The following PEAK1 variants were observed in gnomAD, a reference collection of about 807,000 sequenced individuals.
PEAK1 encodes the protein inactive tyrosine-protein kinase PEAK1.
In PEAK1, 54 loss-of-function variants were observed where a neutral mutation model predicts 124.7. The ratio of observed to expected loss-of-function variants is 0.43; its 90% confidence interval spans 0.35 to 0.54. PEAK1 has a LOEUF of 0.54. Among genes scored for constraint, PEAK1 ranks in the 20% least tolerant of loss-of-function variants. The probability of loss-of-function intolerance (pLI) is 0.01; values close to 1 mark genes in which losing one functional copy is unlikely to be tolerated. For missense variants in PEAK1, 2,046 were observed against 2,134.5 expected (o/e 0.96, Z 0.82); for synonymous variants, 719 against 760.0 (o/e 0.95, Z 0.89).
chr15:77,418,265 C>CTT, intron 1 of PEAK1: 1 of 985,252 alleles, frequency 1.0e-6, no homozygotes, highest in Non-Finnish European at 1.2e-6. Flanking sequence ...ATTTTAGCCT[C>CTT]TAAGTTGGGA....
chr15:77,278,881 G>A (rs1411277525), intron 5 of PEAK1: 2 of 285,758 alleles, frequency 7.0e-6, no homozygotes, highest in Non-Finnish European at 1.3e-5. Flanking sequence ...CGCCCAGGCT[G>A]GAGTGCAATG....
At chr15:77,366,747 G>A (rs1423492230) in intron 1 of PEAK1, among the ~76,000 whole-genome samples, 3 of 152,018 alleles carry the variant, frequency 2.0e-5, no homozygotes, top group Admixed American at 2.0e-4. Flanking sequence ...TTGTAGAGAT[G>A]GGGTTTTGCC....
intron 5 of PEAK1, among the ~76,000 whole-genome samples, chr15:77,256,286 C>T (rs2061127967): frequency 6.6e-6 from 1 of 152,090 alleles, no homozygotes; most frequent in Non-Finnish European, 1.5e-5. Flanking sequence ...GCTGAAGAAA[C>T]TCAGACACTA....
At chr15:77,226,063 A>ATATATATAT (rs2059646739) in intron 6 of PEAK1, among the ~76,000 whole-genome samples, 1 of 123,448 alleles carries the variant, frequency 8.1e-6, no homozygotes, top group African/African-American at 2.9e-5. Context: ...ATATATATAT[A>ATATATATAT]TATATATATA....
intron 6 of PEAK1, among the ~76,000 whole-genome samples, chr15:77,189,390 T>C (rs2057716477): frequency 6.6e-6 from 1 of 152,194 alleles, no homozygotes; most frequent in African/African-American, 2.4e-5. Context: ...TCATGGCATC[T>C]GGAGGCTGCT....
intron 6 of PEAK1, among the ~76,000 whole-genome samples, chr15:77,211,848 CAAAAAA>C (rs34360713): frequency 4.0e-5 from 2 of 49,776 alleles, no homozygotes; most frequent in African/African-American, 7.7e-5. Context: ...AACTCCATCT[CAAAAAA>C]AAAAAAAAAA....
intron 2 of PEAK1, chr15:77,335,315 C>T: frequency 1.0e-6 from 1 of 985,234 alleles, no homozygotes. Flanking sequence ...GCATGAGTGG[C>T]ATTAAGCTCT....
chr15:77,158,832 A>G, intron 7 of PEAK1, 136 bp from the exon 8 acceptor site: 1 of 789,632 alleles, frequency 1.3e-6, no homozygotes, highest in East Asian at 2.7e-5. Context: ...AACACAAGGC[A>G]GTACTTCATT....
chr15:77,127,606 AG>A (rs1443489918), intron 9 of PEAK1, among the ~76,000 whole-genome samples: 4 of 152,230 alleles, frequency 2.6e-5, no homozygotes, highest in Admixed American at 6.5e-5. Flanking sequence ...TGTGTTTTGT[AG>A]AAGACAAAAC....
rs1435149740 is a variant in PEAK1, at chr15:77,252,505, T to C, written c.-253A>G. On this transcript the variant is annotated 5_prime_UTR_variant, in exon 6 of 10. Coordinates refer to ENST00000682557, the MANE Select transcript of PEAK1 (RefSeq NM_001385026.1). ...TTCTTCCTTGCCTCTCATTCCTTAA[T>C]TTCTGAAGATAGCAATGTTTACTGC... is the stretch of plus-strand genomic sequence containing the variant. The C allele has an allele frequency of 4.1e-6, 4 of 984,772 alleles. No homozygotes were observed. Among genetic ancestry groups the C allele is most frequent in the Admixed American group, 1.2e-4 (2 of 16,260 alleles). The allele number at this position is 984,772 out of a possible 1,614,324, so 61.0% of individuals were successfully genotyped here.
intron 6 of PEAK1, among the ~76,000 whole-genome samples, chr15:77,220,691 A>G (rs1261126563): frequency 6.6e-6 from 1 of 152,070 alleles, no homozygotes; most frequent in Non-Finnish European, 1.5e-5. Context: ...AATTTCTAGG[A>G]ATTTAAAGGA....
chr15:77,342,306 T>C (rs1206131615), intron 2 of PEAK1, among the ~76,000 whole-genome samples: 1 of 152,068 alleles, frequency 6.6e-6, no homozygotes, highest in Non-Finnish European at 1.5e-5. Flanking sequence ...CCATTAAGAA[T>C]TCCTCTTCCC....
At chr15:77,154,098 C>T (rs2152776623) in intron 8 of PEAK1, among the ~76,000 whole-genome samples, 1 of 152,144 alleles carries the variant, frequency 6.6e-6, no homozygotes, top group African/African-American at 2.4e-5. Context: ...TAAAGTCTCC[C>T]ATTATTATTG....
intron 1 of PEAK1, among the ~76,000 whole-genome samples, chr15:77,389,792 C>T (rs1296527783): frequency 1.3e-5 from 2 of 152,098 alleles, no homozygotes; most frequent in African/African-American, 4.8e-5. Context: ...GTTCCACCAT[C>T]CCTGTATACC....
chr15:77,260,650 C>A (rs1056880988), intron 5 of PEAK1, among the ~76,000 whole-genome samples: 4 of 152,040 alleles, frequency 2.6e-5, no homozygotes, highest in African/African-American at 9.7e-5. Flanking sequence ...GTAGTTCATA[C>A]ACAGAAGAAA....
intron 1 of PEAK1, among the ~76,000 whole-genome samples, chr15:77,412,839 G>A (rs1268753135): frequency 6.6e-6 from 1 of 152,066 alleles, no homozygotes; most frequent in African/African-American, 2.4e-5. Context: ...ATAAAGAAGT[G>A]TGCATGTACA....
At chr15:77,392,616 G>A (rs1177012623) in intron 1 of PEAK1, among the ~76,000 whole-genome samples, 1 of 152,042 alleles carries the variant, frequency 6.6e-6, no homozygotes, top group Non-Finnish European at 1.5e-5. Context: ...GAGGTACAGG[G>A]GATCTAACTT....
At chr15:77,296,660 A>G (rs2063501841) in intron 2 of PEAK1, among the ~76,000 whole-genome samples, 1 of 151,690 alleles carries the variant, frequency 6.6e-6, no homozygotes. Flanking sequence ...TTGAAAAAAA[A>G]GTAAAATGCA....
chr15:77,359,673 A>C (rs960806578), intron 2 of PEAK1, among the ~76,000 whole-genome samples: 32 of 152,240 alleles, frequency 2.1e-4, no homozygotes, highest in Non-Finnish European at 1.5e-5. Flanking sequence ...ATGAAATTAG[A>C]AAAAAAATTT....
Sources: allele counts gnomAD v4.1 joint callset (sites outside exome capture counted in the v4.1 genomes callset), GRCh38; gene constraint gnomAD v4.1.1; transcripts MANE v1.5; gene names NCBI Gene and HGNC (gene_info 2026-07-23, HGNC 2026-07-21).